The following MBTPS2 variants were observed in gnomAD, a reference collection of about 807,000 sequenced individuals.
The protein encoded by MBTPS2 is membrane bound transcription factor peptidase, site 2.
In MBTPS2, 2 loss-of-function variants were observed where a neutral mutation model predicts 35.4. That is an observed-to-expected ratio of 0.06 (90% CI 0.02 to 0.18). The LOEUF (loss-of-function observed/expected upper bound fraction) is 0.18, where lower values mean the gene tolerates loss of function less well. MBTPS2 is among the 10% of genes least tolerant of loss of function. The pLI is 1.00. For synonymous variants in MBTPS2, 125 were observed against 140.4 expected, an observed-to-expected ratio of 0.89 and a Z score of 0.77; for missense variants, 244 against 386.5, an observed-to-expected ratio of 0.63 and a Z score of 3.09.
chrX:21,841,580 G>T (rs752743971), intron 1 of MBTPS2, among the ~76,000 whole-genome samples: 1 of 112,259 alleles, frequency 8.9e-6, no homozygotes, highest in Non-Finnish European at 1.9e-5. Context: ...CGGGAGGATC[G>T]CTTGAGGCCA....
At position 21,839,686 on chromosome X, in the gene MBTPS2, G is replaced by A. The variant is rs1168151763; in HGVS notation, c.-49G>A. On this transcript the variant is annotated 5_prime_UTR_variant, in exon 1 of 11. Coordinates refer to ENST00000379484, the MANE Select transcript of MBTPS2 (RefSeq NM_015884.4). ...GCGCGGTCAGCTGTTGGCGGTGCAG[G>A]GAGGAGGACGCCGGGGCTCGCCTTC... The A allele has an allele frequency of 7.9e-6, 9 of 1,137,764 alleles. No homozygotes were observed. The highest frequency in any genetic ancestry group is 9.5e-6 in the Non-Finnish European group (8 of 845,803). 93.8% of individuals were successfully genotyped at this position (1,137,764 alleles called of 1,213,427 possible). A position where few individuals can be genotyped will look rare whatever the true frequency, so the allele number is the denominator to read the frequency against.
intron 5 of MBTPS2, chrX:21,856,809 G>C (rs1460941887): frequency 8.3e-7 from 1 of 1,211,820 alleles, no homozygotes; most frequent in Admixed American, 2.2e-5. Context: ...GGCCCTCCCG[G>C]ATAGCATTGA....
chrX:21,862,500 G>GA (rs1320187213), intron 5 of MBTPS2, among the ~76,000 whole-genome samples: 2 of 109,870 alleles, frequency 1.8e-5, no homozygotes, highest in African/African-American at 3.3e-5. Flanking sequence ...ATGCTAAGGG[G>GA]AAAAAAAGAG....
intron 4 of MBTPS2, 23 bp from the exon 5 acceptor site, chrX:21,853,353 C>T: frequency 8.7e-7 from 1 of 1,151,519 alleles, no homozygotes; most frequent in Non-Finnish European, 1.2e-6. Context: ...TAGTAAACTC[C>T]TTTTTCTTAT....
chrX:21,856,145 G>A (rs2092920838), intron 5 of MBTPS2: 4 of 234,536 alleles, frequency 1.7e-5, no homozygotes, highest in Admixed American at 6.4e-5. Context: ...ACAGCTGGGC[G>A]GGGTCGCAGG....
intron 5 of MBTPS2, among the ~76,000 whole-genome samples, chrX:21,861,641 A>G (rs2092931431): frequency 9.1e-6 from 1 of 110,313 alleles, no homozygotes; most frequent in African/African-American, 3.3e-5. Context: ...CAAGGCTGCC[A>G]TGAGCTGTGA....
intron 5 of MBTPS2, among the ~76,000 whole-genome samples, chrX:21,854,703 C>G (rs918817264): frequency 2.7e-5 from 3 of 111,855 alleles, no homozygotes; most frequent in African/African-American, 9.7e-5. Flanking sequence ...TAAAAAGACT[C>G]ACGCTTTAAT....
intron 5 of MBTPS2, chrX:21,858,257 C>T (rs1044583175): frequency 5.7e-5 from 7 of 123,500 alleles, no homozygotes; most frequent in Non-Finnish European, 1.3e-4. Flanking sequence ...CTAGTTTAAA[C>T]CTATTTTAGT....
rs542223686 is a variant in MBTPS2, at chrX:21,862,933, CATATATATATATATATATATAT to C, written c.671-5520_671-5499del. Among the ~76,000 whole-genome samples, 9 of 27,685 alleles carry C rather than the reference CATATATATATATATATATATAT, an allele frequency of 3.3e-4. 1 individual carries two copies. Among genetic ancestry groups the C allele is most frequent in the Admixed American group, 2.2e-3 (3 of 1,343 alleles). 24.0% of individuals were successfully genotyped at this position (27,685 alleles called of 115,157 possible). A position where few individuals can be genotyped will look rare whatever the true frequency, so the allele number is the denominator to read the frequency against. On this transcript the variant is annotated intron_variant, in intron 5 of 10. Transcript: ENST00000379484. ...AAATATATAAACATATATATATAAA[CATATATATATATATATATATAT>C]ATATATATATATAAAACCGACTGGG... is the stretch of plus-strand genomic sequence containing the variant.
chrX:21,865,020 C>T (rs1255452030), intron 5 of MBTPS2, among the ~76,000 whole-genome samples: 2 of 105,889 alleles, frequency 1.9e-5, no homozygotes, highest in South Asian at 4.4e-4. Context: ...GTCGCTGGCA[C>T]CACAGGTGTG....
intron 3 of MBTPS2, among the ~76,000 whole-genome samples, chrX:21,849,678 G>T (rs1437959947): frequency 1.8e-5 from 2 of 109,545 alleles, no homozygotes; most frequent in Admixed American, 9.9e-5. Flanking sequence ...GAGAAAATAG[G>T]AATGTTGGAG....
chrX:21,873,200 C>T (rs1056062534), intron 7 of MBTPS2: 1 of 111,839 alleles, frequency 8.9e-6, no homozygotes, highest in African/African-American at 3.3e-5. Flanking sequence ...GTTAAACGGC[C>T]TTTTGGGGAA....
At chrX:21,848,392 C>T (rs2076388483) in intron 3 of MBTPS2, among the ~76,000 whole-genome samples, 1 of 110,267 alleles carries the variant, frequency 9.1e-6, no homozygotes, top group South Asian at 3.9e-4. Context: ...GCACTCCAGC[C>T]TGGGCAACAA....
chrX:21,862,947 T>C (rs542473105), intron 5 of MBTPS2, among the ~76,000 whole-genome samples: 17 of 49,398 alleles, frequency 3.4e-4, no homozygotes, highest in African/African-American at 1.6e-3. Context: ...TATATATATA[T>C]ATATATATAT....
chrX:21,861,721 A>C (rs777103444), intron 5 of MBTPS2, among the ~76,000 whole-genome samples: 4 of 110,177 alleles, frequency 3.6e-5, no homozygotes, highest in East Asian at 5.7e-4. Flanking sequence ...ACAAAAAAAA[A>C]CACGAAAAAG....
At chrX:21,867,874 C>G (rs1204781354) in intron 5 of MBTPS2, among the ~76,000 whole-genome samples, 1 of 109,893 alleles carries the variant, frequency 9.1e-6, no homozygotes, top group African/African-American at 3.3e-5. Flanking sequence ...CTCCTGACCT[C>G]GTGATCCGCC....
intron 3 of MBTPS2, among the ~76,000 whole-genome samples, chrX:21,848,351 G>A (rs1050541602): frequency 9.1e-6 from 1 of 109,477 alleles, no homozygotes; most frequent in African/African-American, 3.3e-5. Context: ...CCTGGGAGGC[G>A]GAGGTTGTAG....
intron 1 of MBTPS2, among the ~76,000 whole-genome samples, chrX:21,842,605 A>G (rs1433332001): frequency 9.0e-6 from 1 of 111,522 alleles, no homozygotes; most frequent in Non-Finnish European, 1.9e-5. Context: ...CCCCAAAAGT[A>G]AAGTATCTCA....
intron 8 of MBTPS2, 123 bp downstream of exon 8, chrX:21,878,259 T>C: frequency 1.8e-6 from 1 of 542,412 alleles, no homozygotes; most frequent in Admixed American, 3.2e-5. Context: ...TTTATTAAAA[T>C]CTCTACATTT....
Sources: allele counts gnomAD v4.1 joint callset (sites outside exome capture counted in the v4.1 genomes callset), GRCh38; gene constraint gnomAD v4.1.1; transcripts MANE v1.5; gene names NCBI Gene and HGNC (gene_info 2026-07-23, HGNC 2026-07-21).